ZNF469: variants seen among roughly 807,000 people sequenced by gnomAD.
The protein encoded by ZNF469 is zinc finger protein 469.
A neutral mutation model predicts 1.0 loss-of-function variants in ZNF469; 1 was observed. The observed-to-expected ratio is 1.00, with a 90% CI of 0.35 to 4.73. ZNF469 has a LOEUF of 4.73. Among genes scored for constraint, ZNF469 ranks in the 30% most tolerant of loss-of-function variants. The pLI, the probability that ZNF469 is intolerant of heterozygous loss-of-function variation, is 0.16. For synonymous variants in ZNF469, 2,703 were observed against 2,363.4 expected, an observed-to-expected ratio of 1.14 and a Z score of -4.17; for missense variants, 6,100 against 5,356.3, an observed-to-expected ratio of 1.14 and a Z score of -4.33.
the ZNF469 span, among the ~76,000 whole-genome samples, chr16:88,297,406 CT>C: frequency 6.6e-6 from 1 of 152,182 alleles, no homozygotes; most frequent in Non-Finnish European, 1.5e-5. Context: ...TCTCCATGCA[CT>C]TTTTTTGTTT....
chr16:88,396,853 G>A (rs1904687820), intron 1 of ZNF469, among the ~76,000 whole-genome samples: 1 of 149,330 alleles, frequency 6.7e-6, no homozygotes, highest in Non-Finnish European at 1.5e-5. Context: ...AGACCCTCCT[G>A]AAGGGAGGCC....
the ZNF469 span, among the ~76,000 whole-genome samples, chr16:88,167,070 TTTTTTTTC>T: frequency 7.1e-6 from 1 of 141,268 alleles, no homozygotes; most frequent in Non-Finnish European, 1.5e-5. Flanking sequence ...TTTTTTTTTT[TTTTTTTTC>T]TAAGAGGGAA....
chr16:88,295,794 T>A, the ZNF469 span, among the ~76,000 whole-genome samples: 2 of 152,114 alleles, frequency 1.3e-5, no homozygotes, highest in African/African-American at 4.8e-5. Flanking sequence ...CTGGAACAGA[T>A]CTGGTGAAGA....
At chr16:88,406,928 G>A (rs368629079) in intron 1 of ZNF469, among the ~76,000 whole-genome samples, 2 of 152,152 alleles carry the variant, frequency 1.3e-5, no homozygotes, top group African/African-American at 4.8e-5. Flanking sequence ...TCAGTGCCTC[G>A]TGGGTCCCCC....
chr16:88,118,113 T>C, the ZNF469 span, among the ~76,000 whole-genome samples: 1 of 152,112 alleles, frequency 6.6e-6, no homozygotes, highest in Non-Finnish European at 1.5e-5. Flanking sequence ...TGGCTAATTT[T>C]TGTATTTTTA....
At chr16:88,143,870 G>A in the ZNF469 span, among the ~76,000 whole-genome samples, 1 of 152,084 alleles carries the variant, frequency 6.6e-6, no homozygotes, top group African/African-American at 2.4e-5. Context: ...GGCGGCCAGC[G>A]GCACCAGACC....
Position 88,434,709 on chromosome 16 carries a change from C to T in ZNF469, c.7239C>T (p.Ser2413=), listed in dbSNP as rs1274244216. 3 of 1,550,296 alleles carry T rather than the reference C, an allele frequency of 1.9e-6. No homozygotes were observed. The highest frequency in any genetic ancestry group is 2.6e-6 in the Non-Finnish European group (3 of 1,146,978). ...LGLGRTTAPS[S]TASDFQSDSP... is the part of the protein sequence containing the mutation. ...TGGGAAGAACCACAGCCCCAAGCAG[C>T]ACAGCCAGTGACTTCCAGTCTGACT... The change falls in exon 3 of 3, where the codon AGC becomes AGT. Residue 2413 remains serine (S), a synonymous_variant. Coordinates refer to ENST00000565624, the MANE Select transcript of ZNF469 (RefSeq NM_001367624.2).
the ZNF469 span, among the ~76,000 whole-genome samples, chr16:88,116,955 GCACA>G: frequency 0.019 from 2,822 of 151,302 alleles, 108 homozygotes; most frequent in African/African-American, 0.065. Context: ...GTGCATGCGT[GCACA>G]CACACACACA....
chr16:88,124,308 A>T, the ZNF469 span, among the ~76,000 whole-genome samples: 4 of 152,272 alleles, frequency 2.6e-5, no homozygotes, highest in Non-Finnish European at 5.9e-5. Flanking sequence ...ATCATGGCTC[A>T]CTGCAGCCTC....
chr16:88,276,019 TC>T, the ZNF469 span, among the ~76,000 whole-genome samples: 1 of 152,158 alleles, frequency 6.6e-6, no homozygotes, highest in Non-Finnish European at 1.5e-5. Context: ...AGCGCTGCAG[TC>T]CTTCCCCCAG....
Position 88,434,181 on chromosome 16 carries a change from C to G in ZNF469, c.6711C>G (p.Thr2237=). The part of the protein sequence containing the change: ...SWPPGSVSAV[T]CTHSGDTPKD... Reference sequence around the variant, plus strand: ...CTCCTGGCTCCGTCAGTGCTGTAACCTGCACTCACAGTGGGGACACCCCCA... The same window carrying G: ...CTCCTGGCTCCGTCAGTGCTGTAACGTGCACTCACAGTGGGGACACCCCCA... Residue 2237 remains threonine (T), a synonymous_variant, in exon 3 of 3, where the codon ACC becomes ACG. Coordinates refer to ENST00000565624, the MANE Select transcript of ZNF469 (RefSeq NM_001367624.2). 6.5e-7 allele frequency: 1 copy of G among 1,550,376 alleles called. No homozygotes were observed. The highest frequency in any genetic ancestry group is 1.2e-5 in the South Asian group (1 of 84,070).
At chr16:88,193,188 G>A in the ZNF469 span, among the ~76,000 whole-genome samples, 1 of 38,622 alleles carries the variant, frequency 2.6e-5, no homozygotes, top group Non-Finnish European at 5.6e-5. Flanking sequence ...TGGTGATGGT[G>A]GTGGTGGTGA....
the ZNF469 span, among the ~76,000 whole-genome samples, chr16:88,222,232 C>A: frequency 3.3e-5 from 5 of 152,202 alleles, no homozygotes; most frequent in Non-Finnish European, 7.3e-5. Context: ...GGCTACACAC[C>A]CACTAATTGA....
the ZNF469 span, among the ~76,000 whole-genome samples, chr16:88,371,945 TCACCA>T: frequency 7.4e-6 from 1 of 135,044 alleles, no homozygotes; most frequent in African/African-American, 2.8e-5. Context: ...ACCACCATCA[TCACCA>T]TCACCACCAT....
the ZNF469 span, among the ~76,000 whole-genome samples, chr16:88,264,156 G>A: frequency 6.6e-6 from 1 of 152,074 alleles, no homozygotes; most frequent in Non-Finnish European, 1.5e-5. Context: ...CCTCAGGGAC[G>A]GCCCTGCCCA....
chr16:88,288,036 A>G, the ZNF469 span, among the ~76,000 whole-genome samples: 1 of 152,150 alleles, frequency 6.6e-6, no homozygotes, highest in Non-Finnish European at 1.5e-5. Flanking sequence ...AAGACTTTCA[A>G]ACACACTAGA....
At chr16:88,194,726 C>A in the ZNF469 span, 145,001 of 152,330 alleles carry the variant, frequency 0.95, 69,441 homozygotes, top group East Asian at 1. Context: ...TGACTTGCCT[C>A]CATCTGCTTT....
At chr16:88,400,782 C>A (rs1228548345) in intron 1 of ZNF469, among the ~76,000 whole-genome samples, 1 of 152,078 alleles carries the variant, frequency 6.6e-6, no homozygotes, top group Non-Finnish European at 1.5e-5. Context: ...CACCTCACCT[C>A]TGGATAAAAT....
chr16:88,384,143 C>G (rs1213491884), intron 1 of ZNF469, among the ~76,000 whole-genome samples: 1 of 152,252 alleles, frequency 6.6e-6, no homozygotes, highest in African/African-American at 2.4e-5. Flanking sequence ...CACGTGTTAT[C>G]ACGTTTAATC....
Sources: allele counts gnomAD v4.1 joint callset (sites outside exome capture counted in the v4.1 genomes callset), GRCh38; gene constraint gnomAD v4.1.1; transcripts MANE v1.5; gene names NCBI Gene and HGNC (gene_info 2026-07-23, HGNC 2026-07-21).